The following PRIMA1 variants were observed in gnomAD, a reference collection of about 807,000 sequenced individuals.
PRIMA1 encodes the protein proline rich membrane anchor 1, also known as proline-rich membrane anchor 1.
Under a neutral mutation model 17.5 loss-of-function variants are expected in PRIMA1, and 7 were observed. The ratio of observed to expected loss-of-function variants is 0.40; its 90% CI spans 0.23 to 0.75. The LOEUF is 0.75. Ranked by LOEUF, PRIMA1 falls within the 30% of genes least tolerant of loss-of-function variation. The pLI, the probability that PRIMA1 is intolerant of heterozygous loss-of-function variation, is 0.37. For synonymous variants in PRIMA1, 97 were observed against 77.9 expected (o/e 1.25, Z -1.29); for missense variants, 200 against 201.8 (o/e 0.99, Z 0.05).
chr14:93,767,819 G>C (rs937401931), intron 3 of PRIMA1, among the ~76,000 whole-genome samples: 1 of 152,176 alleles, frequency 6.6e-6, no homozygotes, highest in South Asian at 2.1e-4. Flanking sequence ...TAGCAGATCA[G>C]AAAACTGAGG....
chr14:93,753,371 G>T (rs2141173810), intron 3 of PRIMA1, among the ~76,000 whole-genome samples: 1 of 152,314 alleles, frequency 6.6e-6, no homozygotes, highest in Admixed American at 6.5e-5. Flanking sequence ...CAGAGACAAT[G>T]GGCCTTTGCC....
chr14:93,749,733 A>AT (rs1347760087), intron 3 of PRIMA1, among the ~76,000 whole-genome samples: 1 of 152,188 alleles, frequency 6.6e-6, no homozygotes, highest in Non-Finnish European at 1.5e-5. Flanking sequence ...GCTTTCTCTC[A>AT]TGGGGGCACT....
At chr14:93,788,916 G>A (rs945320730), upstream of PRIMA1, among the ~76,000 whole-genome samples, 39 of 152,274 alleles carry the variant, frequency 2.6e-4, no homozygotes, top group African/African-American at 8.9e-4. Flanking sequence ...GCACTGGGGT[G>A]CCCGAGCTCT....
At chr14:93,781,299 G>A (rs990028388) in intron 2 of PRIMA1, among the ~76,000 whole-genome samples, 24 of 152,330 alleles carry the variant, frequency 1.6e-4, no homozygotes, top group African/African-American at 5.5e-4. Flanking sequence ...GAAATCCACC[G>A]GCTTCTAGAC....
chr14:93,762,417 C>G (rs1884761091), intron 3 of PRIMA1, among the ~76,000 whole-genome samples: 1 of 152,030 alleles, frequency 6.6e-6, no homozygotes, highest in African/African-American at 2.4e-5. Context: ...CACAGCCCCC[C>G]ACCCCCCAAT....
chr14:93,782,205 T>G (rs777641215), intron 2 of PRIMA1, among the ~76,000 whole-genome samples: 12 of 147,302 alleles, frequency 8.1e-5, no homozygotes, highest in Non-Finnish European at 1.3e-4. Flanking sequence ...GAGGCGGAGC[T>G]TGCAGTGAGC....
intron 3 of PRIMA1, among the ~76,000 whole-genome samples, chr14:93,751,927 G>C (rs2076261983): frequency 6.6e-6 from 1 of 152,148 alleles, no homozygotes; most frequent in Non-Finnish European, 1.5e-5. Context: ...CAAGAATTCA[G>C]TTCCTCTGTT....
At chr14:93,787,320 T>C (rs892749427) in intron 2 of PRIMA1, among the ~76,000 whole-genome samples, 7 of 152,252 alleles carry the variant, frequency 4.6e-5, no homozygotes, top group Non-Finnish European at 8.8e-5. Context: ...TTTTTCTTTG[T>C]AAGTTTGTTT....
At chr14:93,787,299 C>T (rs1221318684) in intron 2 of PRIMA1, among the ~76,000 whole-genome samples, 1 of 152,176 alleles carries the variant, frequency 6.6e-6, no homozygotes, top group Non-Finnish European at 1.5e-5. Context: ...TAATATATAT[C>T]CTTGGGATCA....
intron 4 of PRIMA1, chr14:93,725,913 T>A (rs1279380381): frequency 2.2e-6 from 1 of 456,106 alleles, no homozygotes; most frequent in Non-Finnish European, 4.4e-6. Flanking sequence ...GCTCTGTGAG[T>A]CAGCTGAGGC....
intron 3 of PRIMA1, among the ~76,000 whole-genome samples, chr14:93,751,559 G>A (rs1207206992): frequency 6.6e-6 from 1 of 152,218 alleles, no homozygotes; most frequent in Non-Finnish European, 1.5e-5. Flanking sequence ...ATATCCCAAT[G>A]AGATGCATGT....
intron 3 of PRIMA1, among the ~76,000 whole-genome samples, chr14:93,765,490 A>G (rs1452945565): frequency 6.7e-6 from 1 of 150,102 alleles, no homozygotes; most frequent in African/African-American, 2.5e-5. Flanking sequence ...CAGAGTGGCC[A>G]CCCTGTACTG....
At chr14:93,725,474 C>T (rs1421260385) in intron 4 of PRIMA1, among the ~76,000 whole-genome samples, 10 of 152,176 alleles carry the variant, frequency 6.6e-5, no homozygotes, top group Non-Finnish European at 1.5e-4. Flanking sequence ...CAACTCCACC[C>T]CTCCATCAAG....
At chr14:93,787,846 C>T (rs1172081153) in intron 1 of PRIMA1, 97 bp from the exon 2 acceptor site, 5 of 1,409,362 alleles carry the variant, frequency 3.5e-6, no homozygotes, top group African/African-American at 1.4e-5. Flanking sequence ...GACGGGCACG[C>T]CCCGCACCCA....
At chr14:93,748,802 A>G (rs1302269574) in intron 3 of PRIMA1, among the ~76,000 whole-genome samples, 1 of 152,118 alleles carries the variant, frequency 6.6e-6, no homozygotes, top group African/African-American at 2.4e-5. Context: ...CTGAGGGGAC[A>G]TTAAAAAAAA....
intron 3 of PRIMA1, among the ~76,000 whole-genome samples, chr14:93,772,185 T>A (rs939916995): frequency 2.0e-5 from 3 of 152,238 alleles, no homozygotes; most frequent in Non-Finnish European, 4.4e-5. Context: ...TGTCTCTTTC[T>A]CTGTTGAAAC....
chr14:93,775,790 G>A (rs915491044), intron 3 of PRIMA1, among the ~76,000 whole-genome samples: 13 of 152,226 alleles, frequency 8.5e-5, no homozygotes, highest in African/African-American at 3.1e-4. Context: ...CTCCTGGCCT[G>A]GTAGCCATGT....
intron 3 of PRIMA1, among the ~76,000 whole-genome samples, chr14:93,762,272 C>T (rs1359232057): frequency 6.6e-6 from 1 of 152,168 alleles, no homozygotes; most frequent in Non-Finnish European, 1.5e-5. Flanking sequence ...GATGCATAAA[C>T]CATTCCCCTC....
Position 93,739,074 on chromosome 14 carries a change from C to A in PRIMA1, c.230-1704G>T, listed in dbSNP as rs368437183. Among the ~76,000 whole-genome samples the A allele has an allele frequency of 2.7e-5, 4 of 149,552 alleles. No individual in the cohort carries two copies. The South Asian group carries it at 8.5e-4, about 32-fold the overall frequency. On this transcript the variant is annotated intron_variant, in intron 3 of 4. Transcript: ENST00000393140. ...TTTTCTTTCTTTTTTTTTTTTGAGA[C>A]GGAGTTTCGCTCTTGTTGCCCAGGC...
Sources: allele counts gnomAD v4.1 joint callset (sites outside exome capture counted in the v4.1 genomes callset), GRCh38; gene constraint gnomAD v4.1.1; transcripts MANE v1.5; gene names NCBI Gene and HGNC (gene_info 2026-07-23, HGNC 2026-07-21).